KCNMB2: variants seen among roughly 807,000 people sequenced by gnomAD.
KCNMB2 encodes the protein potassium calcium-activated channel subfamily M regulatory beta subunit 2, also known as calcium-activated potassium channel subunit beta-2.
KCNMB2 carries 9 observed loss-of-function variants against 24.5 expected under a neutral mutation model. That is an observed-to-expected ratio of 0.37 (90% CI 0.22 to 0.64). KCNMB2 has a LOEUF of 0.64. Among genes scored for constraint, KCNMB2 ranks in the 30% least tolerant of loss-of-function variants. The probability of loss-of-function intolerance (pLI) is 0.63; values close to 1 mark genes in which losing one functional copy is unlikely to be tolerated. For synonymous variants in KCNMB2, 109 were observed against 104.4 expected (o/e 1.04, Z -0.27); for missense variants, 226 against 284.3 (o/e 0.79, Z 1.47).
intron 1 of KCNMB2, among the ~76,000 whole-genome samples, chr3:178,675,326 C>T (rs1175814177): frequency 6.6e-6 from 1 of 152,110 alleles, no homozygotes; most frequent in Non-Finnish European, 1.5e-5. Context: ...AGGTTTGAAA[C>T]AAAGGATCTT....
At chr3:178,572,299 T>A (rs1716831943) in intron 1 of KCNMB2, among the ~76,000 whole-genome samples, 1 of 152,158 alleles carries the variant, frequency 6.6e-6, no homozygotes, top group African/African-American at 2.4e-5. Context: ...TATCCATACA[T>A]AGAATGCATG....
chr3:178,573,908 A>C (rs1162779323), intron 1 of KCNMB2, among the ~76,000 whole-genome samples: 2 of 152,128 alleles, frequency 1.3e-5, no homozygotes, highest in African/African-American at 4.8e-5. Flanking sequence ...GTGAAAGGAG[A>C]GATGAAAATG....
intron 1 of KCNMB2, among the ~76,000 whole-genome samples, chr3:178,759,433 G>A (rs1711594869): frequency 1.4e-4 from 1 of 7,306 alleles, no homozygotes; most frequent in Non-Finnish European, 1.9e-4. Context: ...CTCTCCAAGA[G>A]GATATATATA....
chr3:178,809,933 C>T (rs1460915959), intron 2 of KCNMB2, among the ~76,000 whole-genome samples: 1 of 151,832 alleles, frequency 6.6e-6, no homozygotes, highest in Non-Finnish European at 1.5e-5. Context: ...TCTGCATGGC[C>T]AAAAAATACA....
intron 1 of KCNMB2, among the ~76,000 whole-genome samples, chr3:178,643,741 A>T (rs1372325056): frequency 1.3e-5 from 2 of 151,946 alleles, no homozygotes; most frequent in Non-Finnish European, 2.9e-5. Context: ...TTTCTTAGGG[A>T]CTCGCCCTGT....
At chr3:178,563,423 A>G (rs1348725419) in intron 1 of KCNMB2, among the ~76,000 whole-genome samples, 1 of 152,200 alleles carries the variant, frequency 6.6e-6, no homozygotes, top group Non-Finnish European at 1.5e-5. Context: ...GTTATGAGAC[A>G]GTATTCTGAT....
At chr3:178,755,567 A>C (rs1724003085) in intron 1 of KCNMB2, among the ~76,000 whole-genome samples, 1 of 152,172 alleles carries the variant, frequency 6.6e-6, no homozygotes, top group Non-Finnish European at 1.5e-5. Flanking sequence ...TGTTATTGCT[A>C]TGGTATTTTT....
chr3:178,703,927 C>A (rs1265545405), intron 1 of KCNMB2, among the ~76,000 whole-genome samples: 2 of 152,108 alleles, frequency 1.3e-5, no homozygotes, highest in East Asian at 3.8e-4. Flanking sequence ...ACACAATTCC[C>A]AGAGTTTTAA....
chr3:178,674,164 T>C (rs540529671), intron 1 of KCNMB2, among the ~76,000 whole-genome samples: 12 of 152,142 alleles, frequency 7.9e-5, no homozygotes, highest in African/African-American at 2.6e-4. Context: ...CTCTCCTCTG[T>C]TTTACTCCTC....
chr3:178,790,852 C>T (rs188631914), intron 1 of KCNMB2, among the ~76,000 whole-genome samples: 1 of 152,316 alleles, frequency 6.6e-6, no homozygotes, highest in Non-Finnish European at 1.5e-5. Context: ...CTTACCAAGA[C>T]AATTAAGGTA....
intron 1 of KCNMB2, among the ~76,000 whole-genome samples, chr3:178,566,625 C>G (rs552511690): frequency 8.6e-5 from 13 of 151,978 alleles, no homozygotes; most frequent in Non-Finnish European, 1.2e-4. Flanking sequence ...AACCCAATGT[C>G]AGAGAGGAAT....
At chr3:178,762,115 G>T (rs1182576397) in intron 1 of KCNMB2, among the ~76,000 whole-genome samples, 2 of 152,134 alleles carry the variant, frequency 1.3e-5, no homozygotes, top group Admixed American at 1.3e-4. Flanking sequence ...AGCTTGCAGT[G>T]AGCCGAGATC....
intron 1 of KCNMB2, among the ~76,000 whole-genome samples, chr3:178,545,522 C>T (rs984924295): frequency 2.6e-5 from 4 of 152,184 alleles, no homozygotes; most frequent in African/African-American, 9.7e-5. Flanking sequence ...ATCTTTCTTG[C>T]TTTGCATCAG....
chr3:178,804,277 G>C (rs1329123834), intron 1 of KCNMB2, among the ~76,000 whole-genome samples: 7 of 152,134 alleles, frequency 4.6e-5, no homozygotes, highest in African/African-American at 2.4e-5. Flanking sequence ...CTTTGAGCTG[G>C]GAAAGAACCT....
At chr3:178,773,792 C>T (rs951046468) in intron 1 of KCNMB2, among the ~76,000 whole-genome samples, 1 of 152,178 alleles carries the variant, frequency 6.6e-6, no homozygotes, top group Non-Finnish European at 1.5e-5. Context: ...AAAGCCATTA[C>T]ATCTTCATTT....
intron 2 of KCNMB2, among the ~76,000 whole-genome samples, chr3:178,807,676 G>A (rs1266024096): frequency 6.6e-6 from 1 of 152,110 alleles, no homozygotes; most frequent in East Asian, 1.9e-4. Context: ...TGCAAAAGTT[G>A]TTCCCTGTCA....
At chr3:178,585,636 G>T (rs115313507) in intron 1 of KCNMB2, among the ~76,000 whole-genome samples, 4,629 of 152,280 alleles carry the variant, frequency 0.03, 234 homozygotes, top group African/African-American at 0.11. Context: ...TGTGTTCAGG[G>T]TTCAGTCTGA....
chr3:178,638,347 C>G (rs1719602684), intron 1 of KCNMB2, among the ~76,000 whole-genome samples: 1 of 152,146 alleles, frequency 6.6e-6, no homozygotes, highest in Non-Finnish European at 1.5e-5. Flanking sequence ...TTCAGATACA[C>G]TCCTAACTTA....
In KCNMB2 at chr3:178,834,205, C is replaced by T. The variant is rs528214111; in HGVS notation, c.423+5832C>T. 7.2e-5 allele frequency among the ~76,000 whole-genome samples: 11 copies of T among 152,268 alleles called. No homozygotes were observed. The South Asian group carries it at 2.3e-3, about 32-fold the overall frequency. ...AATTCAGTTTCTCCTACTATACTCT[C>T]ACAACACACTGCTAACTCTGGGTGT... On this transcript the variant is annotated intron_variant, in intron 4 of 4. Transcript: ENST00000452583.
Sources: gnomAD v4.1 joint callset for allele counts (sites outside exome capture counted in the v4.1 genomes callset) on GRCh38, gnomAD v4.1.1 for gene constraint, MANE v1.5 for transcripts, NCBI Gene and HGNC (gene_info 2026-07-23, HGNC 2026-07-21) for gene names.